Variants in METAP1D observed in about 807,000 individuals in gnomAD.
The protein encoded by METAP1D is methionine aminopeptidase 1D, mitochondrial.
METAP1D carries 31 observed loss-of-function variants against 40.5 expected under a neutral mutation model. The ratio of observed to expected loss-of-function variants is 0.77; its 90% CI spans 0.58 to 1.03. METAP1D has a LOEUF of 1.03. Ranked by LOEUF, METAP1D falls within the 50% of genes least tolerant of loss-of-function variation. The pLI is 0.00. For synonymous variants in METAP1D, 151 were observed against 146.4 expected (o/e 1.03, Z -0.22); for missense variants, 411 against 420.7 (o/e 0.98, Z 0.20).
At position 172,059,089 on chromosome 2, in the gene METAP1D, T is replaced by C. The variant is rs558884895; in HGVS notation, c.41-2409T>C. Among the ~76,000 whole-genome samples, 227 of 151,836 alleles carry C rather than the reference T, an allele frequency of 1.5e-3. 1 individual carries two copies. Among genetic ancestry groups the C allele is most frequent in the Non-Finnish European group, 2.8e-3 (189 of 67,946 alleles). On this transcript the variant is annotated intron_variant, in intron 1 of 9. Coordinates refer to ENST00000315796, the MANE Select transcript of METAP1D (RefSeq NM_199227.3). ...TACGGGGCCCAAGAATTTGCATCTT[T>C]TTTCTTTTTCTTTCTTTCTTTCTTT...
At chr2:172,016,298 A>AAAAAAAAAT (rs1688858604) in intron 1 of METAP1D, among the ~76,000 whole-genome samples, 1 of 57,908 alleles carries the variant, frequency 1.7e-5, no homozygotes, top group Non-Finnish European at 3.7e-5. Flanking sequence ...AAAAAAAAAA[A>AAAAAAAAAT]AAATATATAT....
chr2:172,071,268 G>T (rs1028890026), intron 6 of METAP1D, among the ~76,000 whole-genome samples, 198 bp downstream of exon 6: 1 of 151,850 alleles, frequency 6.6e-6, no homozygotes, highest in Non-Finnish European at 1.5e-5. Flanking sequence ...AATTATACCA[G>T]GGTCAGCAAA....
At chr2:172,065,920 C>T (rs373680839) in intron 4 of METAP1D, among the ~76,000 whole-genome samples, 168 bp downstream of exon 4, 3 of 152,188 alleles carry the variant, frequency 2.0e-5, no homozygotes, top group Non-Finnish European at 2.9e-5. Flanking sequence ...TAAATGGATA[C>T]ACCACCACCA....
At chr2:172,059,542 G>A (rs969644454) in intron 1 of METAP1D, among the ~76,000 whole-genome samples, 1 of 152,188 alleles carries the variant, frequency 6.6e-6, no homozygotes, top group Admixed American at 6.5e-5. Context: ...AATGAGGGTA[G>A]CTATGGTCCA....
chr2:172,042,196 CACATATACATAT>C (rs1689555448), intron 1 of METAP1D, among the ~76,000 whole-genome samples: 2 of 35,048 alleles, frequency 5.7e-5, no homozygotes, highest in African/African-American at 1.2e-4. Context: ...TACATGTGTA[CACATATACATAT>C]GTATGTGTAC....
At chr2:172,014,278 AT>A (rs1333048276) in intron 1 of METAP1D, among the ~76,000 whole-genome samples, 11 of 150,426 alleles carry the variant, frequency 7.3e-5, no homozygotes, top group Middle Eastern at 3.5e-3. Flanking sequence ...TGCCTGGCTA[AT>A]TTTTGTATTT....
chr2:172,038,955 A>T (rs980631223), intron 1 of METAP1D, among the ~76,000 whole-genome samples: 2 of 152,230 alleles, frequency 1.3e-5, no homozygotes, highest in Middle Eastern at 3.2e-3. Context: ...AGTTGGGAGC[A>T]GGGTGGATTT....
intron 1 of METAP1D, among the ~76,000 whole-genome samples, chr2:172,058,198 C>A (rs754398898): frequency 9.2e-5 from 14 of 152,162 alleles, no homozygotes; most frequent in African/African-American, 2.9e-4. Flanking sequence ...GATGGGATCT[C>A]ACGATCCTCC....
At chr2:172,012,592 G>A (rs190546460) in intron 1 of METAP1D, among the ~76,000 whole-genome samples, 43 of 152,336 alleles carry the variant, frequency 2.8e-4, no homozygotes, top group Non-Finnish European at 5.1e-4. Context: ...AGCTGCGGAA[G>A]ACAGTCTCGC....
At chr2:172,040,802 A>T (rs1431192356) in intron 1 of METAP1D, among the ~76,000 whole-genome samples, 1 of 126,082 alleles carries the variant, frequency 7.9e-6, no homozygotes, top group Non-Finnish European at 1.6e-5. Context: ...GTTAGAGTGC[A>T]GTGGCACAAC....
At chr2:172,069,476 C>T (rs1690370984) in intron 5 of METAP1D, among the ~76,000 whole-genome samples, 1 of 152,164 alleles carries the variant, frequency 6.6e-6, no homozygotes, top group Non-Finnish European at 1.5e-5. Context: ...GTCTTCCCTA[C>T]TGTTTCCAAT....
At position 172,063,755 on chromosome 2, in the gene METAP1D, C is replaced by T. The variant is rs1459402971; in HGVS notation, c.243C>T (p.Asp81=). Residue 81 remains aspartate, a synonymous_variant, in exon 3 of 10, where the codon GAC becomes GAT. Coordinates refer to ENST00000315796, the MANE Select transcript of METAP1D (RefSeq NM_199227.3). ...PDYVTTGIVP[D]WGDSIEVKNE... is the part of the protein sequence containing the mutation. ...ATGTGACGACAGGCATTGTACCAGA[C>T]TGGGGAGACAGCATAGAAGTTAAGA... The T allele has an allele frequency of 5.0e-6, 8 of 1,613,990 alleles. No individual in the cohort carries two copies. The Middle Eastern group carries it at 8.2e-4, about 166-fold the overall frequency.
intron 5 of METAP1D, among the ~76,000 whole-genome samples, chr2:172,066,681 A>G (rs1256786981): frequency 2.0e-5 from 3 of 152,320 alleles, no homozygotes; most frequent in Middle Eastern, 3.4e-3. Flanking sequence ...GCTAACACGA[A>G]GAAAGCCAGC....
At chr2:172,065,981 G>A (rs553091775) in intron 4 of METAP1D, among the ~76,000 whole-genome samples, 3 of 152,178 alleles carry the variant, frequency 2.0e-5, no homozygotes, top group Non-Finnish European at 2.9e-5. Context: ...TGTGCATTAC[G>A]TATGTCTTTT....
chr2:172,071,058 GA>G lies in METAP1D; in HGVS notation c.695del (p.Asn232ThrfsTer6). On this transcript the variant is annotated frameshift_variant, in exon 6 of 10. Transcript: ENST00000315796. LOFTEE classifies it high-confidence loss of function. ...CRAGAPFSVI[G>X]NTISHITHQN... ...GCAGGGGCTCCCTTCTCTGTAATTG[GA>G]AACACAATCAGGTAAGCCTTACATT... is the stretch of plus-strand genomic sequence containing the variant. 1 of 1,609,996 alleles carries G rather than the reference GA, an allele frequency of 6.2e-7. No individual in the cohort carries two copies. The highest frequency in any genetic ancestry group is 8.5e-7 in the Non-Finnish European group (1 of 1,177,830).
chr2:172,001,559 A>G (rs1389614097), intron 1 of METAP1D, among the ~76,000 whole-genome samples: 1 of 152,120 alleles, frequency 6.6e-6, no homozygotes, highest in Non-Finnish European at 1.5e-5. Context: ...ATAAATAAAA[A>G]TAATAAAAAA....
At chr2:172,048,751 A>T (rs1157811517) in intron 1 of METAP1D, among the ~76,000 whole-genome samples, 3 of 152,214 alleles carry the variant, frequency 2.0e-5, no homozygotes, top group African/African-American at 7.2e-5. Flanking sequence ...GACAATAAAT[A>T]TGTTTCAAAT....
chr2:172,080,407 G>A lies in METAP1D; in HGVS notation c.*1G>A. The A allele has an allele frequency of 1.2e-6, 2 of 1,614,012 alleles. No individual in the cohort carries two copies. Among genetic ancestry groups the A allele is most frequent in the South Asian group, 1.1e-5 (1 of 91,084 alleles). On this transcript the variant is annotated 3_prime_UTR_variant, in exon 10 of 10. Transcript: ENST00000315796. ...GACCAAACTACCCCATGAGGCCTGAGGAGCCGCCCGAAGGTCGCGGTGACC... is the reference window on the plus strand; with the variant it reads ...GACCAAACTACCCCATGAGGCCTGAAGAGCCGCCCGAAGGTCGCGGTGACC...
At chr2:172,014,981 G>A (rs1290280329) in intron 1 of METAP1D, among the ~76,000 whole-genome samples, 4 of 152,044 alleles carry the variant, frequency 2.6e-5, no homozygotes, top group East Asian at 3.9e-4. Flanking sequence ...GCACATTTCC[G>A]CTGATATAAT....
Sources: allele counts gnomAD v4.1 joint callset (sites outside exome capture counted in the v4.1 genomes callset), GRCh38; gene constraint gnomAD v4.1.1; transcripts MANE v1.5; gene names NCBI Gene and HGNC (gene_info 2026-07-23, HGNC 2026-07-21).